The following EXOC4 variants were observed in gnomAD, a reference collection of about 807,000 sequenced individuals.
EXOC4 encodes SEC8-like 1.
EXOC4 carries 71 observed loss-of-function variants against 107.2 expected under a neutral mutation model. That is an observed-to-expected ratio of 0.66 (90% CI 0.55 to 0.81). EXOC4 has a LOEUF of 0.81. Among genes scored for constraint, EXOC4 ranks in the 30% least tolerant of loss-of-function variants. The probability of loss-of-function intolerance (pLI) is 0.00; values close to 1 mark genes in which losing one functional copy is unlikely to be tolerated. For synonymous variants in EXOC4, 456 were observed against 441.2 expected, an observed-to-expected ratio of 1.03 and a Z score of -0.42; for missense variants, 1,108 against 1,189.6, an observed-to-expected ratio of 0.93 and a Z score of 1.01.
intron 9 of EXOC4, among the ~76,000 whole-genome samples, chr7:133,623,609 G>A (rs1390654562): frequency 6.6e-6 from 1 of 152,122 alleles, no homozygotes; most frequent in East Asian, 1.9e-4. Context: ...GAGTGCAATA[G>A]GTAATTCTTT....
intron 5 of EXOC4, among the ~76,000 whole-genome samples, chr7:133,352,870 T>C (rs1231952700): frequency 6.6e-6 from 1 of 152,056 alleles, no homozygotes; most frequent in Non-Finnish European, 1.5e-5. Context: ...GTTATAACTC[T>C]CTAACTTGAA....
chr7:133,649,473 T>A (rs550203050), intron 10 of EXOC4, among the ~76,000 whole-genome samples: 1 of 113,202 alleles, frequency 8.8e-6, no homozygotes, highest in East Asian at 2.8e-4. Context: ...TTTTCTTTTT[T>A]TTTTTTTTTT....
chr7:133,558,935 G>T (rs1194330162), intron 9 of EXOC4, among the ~76,000 whole-genome samples: 1 of 152,184 alleles, frequency 6.6e-6, no homozygotes, highest in Non-Finnish European at 1.5e-5. Context: ...GACATAGGAG[G>T]AGAAATTTCC....
At chr7:133,284,006 T>A (rs1337090260) in intron 2 of EXOC4, among the ~76,000 whole-genome samples, 3 of 152,206 alleles carry the variant, frequency 2.0e-5, no homozygotes, top group African/African-American at 7.2e-5. Context: ...TCAGGGCAAT[T>A]TAGTATTAAA....
At chr7:133,729,630 A>C (rs952822867) in intron 10 of EXOC4, among the ~76,000 whole-genome samples, 1 of 152,142 alleles carries the variant, frequency 6.6e-6, no homozygotes, top group African/African-American at 2.4e-5. Flanking sequence ...GTGCTTACTT[A>C]CAGAATAACT....
chr7:133,634,713 A>G (rs28636683), intron 10 of EXOC4, among the ~76,000 whole-genome samples: 3,207 of 152,100 alleles, frequency 0.021, 118 homozygotes, highest in African/African-American at 0.073. Flanking sequence ...TAGAACTCCT[A>G]ACAGGTGATC....
At chr7:133,453,375 A>G (rs541950243) in intron 7 of EXOC4, among the ~76,000 whole-genome samples, 1 of 152,280 alleles carries the variant, frequency 6.6e-6, no homozygotes, top group East Asian at 1.9e-4. Flanking sequence ...TTTGCTTTAT[A>G]TTGTTATCAA....
At chr7:133,912,334 A>G (rs1799713401) in intron 12 of EXOC4, among the ~76,000 whole-genome samples, 1 of 152,208 alleles carries the variant, frequency 6.6e-6, no homozygotes, top group African/African-American at 2.4e-5. Flanking sequence ...AGTAGCGTAG[A>G]AGGGAAAGGC....
chr7:133,488,358 G>C (rs1799308900), intron 9 of EXOC4, among the ~76,000 whole-genome samples: 1 of 152,130 alleles, frequency 6.6e-6, no homozygotes, highest in Non-Finnish European at 1.5e-5. Context: ...GTTCAAGGTA[G>C]ACAACAGGTA....
intron 8 of EXOC4, chr7:133,479,747 T>C (rs1799108518): frequency 3.1e-6 from 1 of 322,662 alleles, no homozygotes; most frequent in South Asian, 5.4e-5. Context: ...GGATCCTGGC[T>C]AAAGGCTGAT....
At chr7:133,770,629 C>T (rs775350647) in intron 10 of EXOC4, among the ~76,000 whole-genome samples, 29 of 151,776 alleles carry the variant, frequency 1.9e-4, no homozygotes, top group Non-Finnish European at 2.9e-4. Context: ...GTATATGTCC[C>T]GACCTTGAGG....
rs1192586878 is a variant in EXOC4, at chr7:133,823,892, ATTT to A, written c.1734+6350_1734+6352del. ...ATATATTATATATATATATATATAT[ATTT>A]TATATATATATATATAAATATATAT... On this transcript the variant is annotated intron_variant, in intron 11 of 17. Transcript: ENST00000253861. Among the ~76,000 whole-genome samples the A allele has an allele frequency of 6.2e-3, 110 of 17,738 alleles. 4 individuals are homozygous for A. Among genetic ancestry groups the A allele is most frequent in the African/African-American group, 0.022 (29 of 1,294 alleles). The allele number at this position is 17,738 out of a possible 152,430, so 11.6% of individuals were successfully genotyped here.
At chr7:133,725,708 C>T (rs1795200779) in intron 10 of EXOC4, among the ~76,000 whole-genome samples, 1 of 152,114 alleles carries the variant, frequency 6.6e-6, no homozygotes, top group African/African-American at 2.4e-5. Flanking sequence ...TCTATGACAA[C>T]TACTGAAGTA....
chr7:133,281,782 A>G (rs1403993995), intron 2 of EXOC4, among the ~76,000 whole-genome samples: 2 of 151,162 alleles, frequency 1.3e-5, no homozygotes, highest in African/African-American at 4.9e-5. Flanking sequence ...GCTTACTGCA[A>G]CCTTCGCCTC....
At chr7:133,968,590 C>T (rs1199719378) in intron 14 of EXOC4, among the ~76,000 whole-genome samples, 1 of 152,126 alleles carries the variant, frequency 6.6e-6, no homozygotes, top group Non-Finnish European at 1.5e-5. Flanking sequence ...ATTTCTCCTT[C>T]ACTTATGAAG....
intron 9 of EXOC4, among the ~76,000 whole-genome samples, chr7:133,492,869 TGG>T (rs1563085967): frequency 6.6e-6 from 1 of 150,408 alleles, no homozygotes; most frequent in African/African-American, 2.4e-5. Context: ...TTTTTTTTTT[TGG>T]AATCTCATTT....
intron 9 of EXOC4, among the ~76,000 whole-genome samples, chr7:133,625,800 C>A (rs1330958916): frequency 6.6e-6 from 1 of 152,140 alleles, no homozygotes; most frequent in Admixed American, 6.5e-5. Context: ...GACATTTTCT[C>A]TGGTGCCTAT....
chr7:133,564,767 A>G (rs1271151726), intron 9 of EXOC4, among the ~76,000 whole-genome samples: 1 of 152,162 alleles, frequency 6.6e-6, no homozygotes, highest in East Asian at 1.9e-4. Context: ...TTTGATATGT[A>G]ATATGAGAGA....
chr7:133,783,544 C>T (rs996881068), intron 10 of EXOC4, among the ~76,000 whole-genome samples: 1 of 152,204 alleles, frequency 6.6e-6, no homozygotes, highest in Non-Finnish European at 1.5e-5. Flanking sequence ...TATCCCTTGC[C>T]ATGCAGAATT....
Sources: allele counts gnomAD v4.1 joint callset (sites outside exome capture counted in the v4.1 genomes callset), GRCh38; gene constraint gnomAD v4.1.1; transcripts MANE v1.5; gene names NCBI Gene and HGNC (gene_info 2026-07-23, HGNC 2026-07-21).